LPGAT1: variants seen among roughly 807,000 people sequenced by gnomAD.
LPGAT1 encodes the protein acyl-CoA:lysophosphatidylglycerol acyltransferase 1.
LPGAT1 carries 11 observed loss-of-function variants against 47.5 expected under a neutral mutation model. The observed-to-expected ratio is 0.23, with a 90% CI of 0.15 to 0.38. The LOEUF (loss-of-function observed/expected upper bound fraction) is 0.38, where lower values mean the gene tolerates loss of function less well. Among genes scored for constraint, LPGAT1 ranks in the 10% least tolerant of loss-of-function variants. LPGAT1 has a pLI of 1.00. For synonymous variants in LPGAT1, 138 were observed against 144.2 expected (o/e 0.96, Z 0.31); for missense variants, 293 against 439.0 (o/e 0.67, Z 2.97).
chr1:211,821,187 C>T (rs570231754), intron 2 of LPGAT1, among the ~76,000 whole-genome samples: 12 of 152,192 alleles, frequency 7.9e-5, no homozygotes, highest in African/African-American at 2.2e-4. Context: ...ACCCAGGAGG[C>T]GGAGGTTGCA....
intron 2 of LPGAT1, among the ~76,000 whole-genome samples, chr1:211,822,841 A>G (rs1346183458): frequency 1.3e-5 from 2 of 152,030 alleles, no homozygotes; most frequent in Non-Finnish European, 2.9e-5. Flanking sequence ...TCTGATGACA[A>G]TCTACTTTCA....
chr1:211,793,065 A>G lies in LPGAT1; in HGVS notation c.357+7T>C, dbSNP rs749872282. On this transcript the variant is annotated splice_region_variant and intron_variant, in intron 3 of 7. Coordinates refer to ENST00000366997, the MANE Select transcript of LPGAT1 (RefSeq NM_014873.3). ...GATGTCTATCTACTGCCTTCAGGGT[A>G]GCTTACCAGTCCTTTGTCCTGGAGG... The G allele has an allele frequency of 1.9e-6, 3 of 1,574,460 alleles. No homozygotes were observed. Among genetic ancestry groups the G allele is most frequent in the East Asian group, 2.4e-5 (1 of 42,474 alleles).
chr1:211,829,744 C>T (rs768884598), intron 1 of LPGAT1: 426 of 1,006,112 alleles, frequency 4.2e-4, no homozygotes, highest in Non-Finnish European at 4.7e-4. Context: ...TTCCCAGATA[C>T]TGAGGACCTC....
chr1:211,754,751 C>T (rs1452515288), intron 6 of LPGAT1, among the ~76,000 whole-genome samples: 2 of 152,140 alleles, frequency 1.3e-5, no homozygotes, highest in African/African-American at 4.8e-5. Flanking sequence ...TGCGGTGGCT[C>T]ACACCTGTAA....
chr1:211,800,035 T>TTTATTATTATTATTATTATTATTA (rs58672865), intron 2 of LPGAT1, among the ~76,000 whole-genome samples: 3,138 of 150,952 alleles, frequency 0.021, 44 homozygotes, highest in Middle Eastern at 0.072. Flanking sequence ...ACTACCATTC[T>TTTATTATTATTATTATTATTATTA]TTATTATTAT....
chr1:211,767,795 G>A (rs2102512778), intron 6 of LPGAT1, among the ~76,000 whole-genome samples: 1 of 152,160 alleles, frequency 6.6e-6, no homozygotes, highest in South Asian at 2.1e-4. Context: ...ACTAAAGATA[G>A]GACACTGTTT....
chr1:211,826,898 C>T (rs781172971), intron 2 of LPGAT1, among the ~76,000 whole-genome samples: 3 of 152,110 alleles, frequency 2.0e-5, no homozygotes, highest in Non-Finnish European at 2.9e-5. Context: ...ACAAGCCCAC[C>T]CTCCTATTGA....
At position 211,745,443 on chromosome 1, in the gene LPGAT1, TCA is replaced by T. The variant is rs1282164971; in HGVS notation, c.*4454_*4455del. On this transcript the variant is annotated 3_prime_UTR_variant, in exon 8 of 8. Coordinates refer to ENST00000366997, the MANE Select transcript of LPGAT1 (RefSeq NM_014873.3). ...TCCTTACACGTAAAGAATTTGTGCA[TCA>T]CAGTCATGTGTTCAACAGTTTTACA... is the stretch of plus-strand genomic sequence containing the variant. The T allele has an allele frequency of 1.3e-5, 2 of 152,238 alleles. No individual in the cohort carries two copies. The highest frequency in any genetic ancestry group is 2.4e-5 in the African/African-American group (1 of 41,468). 9.4% of individuals were successfully genotyped at this position (152,238 alleles called of 1,614,324 possible).
At chr1:211,825,725 CCAA>C (rs1450759487) in intron 2 of LPGAT1, among the ~76,000 whole-genome samples, 2 of 152,218 alleles carry the variant, frequency 1.3e-5, no homozygotes, top group Admixed American at 6.5e-5. Flanking sequence ...CTCTGGGAGG[CCAA>C]CGTGGGCGGA....
At chr1:211,758,076 T>A (rs1036215552) in intron 6 of LPGAT1, among the ~76,000 whole-genome samples, 1 of 152,250 alleles carries the variant, frequency 6.6e-6, no homozygotes, top group South Asian at 2.1e-4. Flanking sequence ...CCCTGCTGTA[T>A]CTTGGCTCCT....
chr1:211,808,987 G>A (rs970972636), intron 2 of LPGAT1, among the ~76,000 whole-genome samples: 1 of 151,796 alleles, frequency 6.6e-6, no homozygotes, highest in African/African-American at 2.4e-5. Context: ...CACGAGGTCA[G>A]GAGATCGAGA....
At chr1:211,791,238 G>A (rs1659099394) in intron 3 of LPGAT1, among the ~76,000 whole-genome samples, 2 of 152,006 alleles carry the variant, frequency 1.3e-5, no homozygotes, top group African/African-American at 2.4e-5. Context: ...CCCTAACCTA[G>A]TGAATCAAAA....
Position 211,772,762 on chromosome 1 carries a change from C to T in LPGAT1, c.854+6156G>A, listed in dbSNP as rs543335424. 1.3e-4 allele frequency among the ~76,000 whole-genome samples: 20 copies of T among 152,178 alleles called. No individual in the cohort carries two copies. The South Asian group carries it at 3.9e-3, about 30-fold the overall frequency. On this transcript the variant is annotated intron_variant, in intron 6 of 7. Transcript: ENST00000366997. The stretch of plus-strand genomic sequence containing the variant: ...TGATGTGCACATGAGATTTCATTTA[C>T]AAGTCTGAAATTTTCTGTAATAAAA...
intron 2 of LPGAT1, among the ~76,000 whole-genome samples, chr1:211,827,047 T>A (rs74652891): frequency 0.016 from 2,420 of 152,350 alleles, 63 homozygotes; most frequent in African/African-American, 0.054. Flanking sequence ...ACCAAATTCA[T>A]TCCTACATTT....
intron 3 of LPGAT1, among the ~76,000 whole-genome samples, chr1:211,789,060 A>G (rs977087547): frequency 5.3e-5 from 8 of 152,258 alleles, no homozygotes; most frequent in African/African-American, 1.7e-4. Flanking sequence ...AAATGAAGAT[A>G]TATGCCTAGT....
At chr1:211,789,588 A>T (rs778766499) in intron 3 of LPGAT1, among the ~76,000 whole-genome samples, 31 of 152,350 alleles carry the variant, frequency 2.0e-4, no homozygotes, top group Middle Eastern at 3.4e-3. Context: ...GACACTTATT[A>T]TAAGGGTACC....
At chr1:211,775,184 G>A (rs1387335969) in intron 6 of LPGAT1, among the ~76,000 whole-genome samples, 1 of 152,162 alleles carries the variant, frequency 6.6e-6, no homozygotes. Flanking sequence ...AGGCGTGGTG[G>A]CAGGTGCCTG....
At chr1:211,825,826 G>A (rs1660529209) in intron 2 of LPGAT1, among the ~76,000 whole-genome samples, 1 of 152,168 alleles carries the variant, frequency 6.6e-6, no homozygotes, top group African/African-American at 2.4e-5. Flanking sequence ...TGGGTGTGGT[G>A]GCACACGCCT....
At position 211,783,365 on chromosome 1, in the gene LPGAT1, T is replaced by C; in HGVS notation, c.591A>G (p.Ala197=). Residue 197 remains alanine (A), a synonymous_variant, in exon 5 of 8, where the codon GCA becomes GCG. Coordinates refer to ENST00000366997, the MANE Select transcript of LPGAT1 (RefSeq NM_014873.3). The part of the protein sequence containing the change: ...FLRKRRETSQ[A]FAKKNNLPFL... ...ATGGCAAGTTATTTTTCTTGGCAAA[T>C]GCCTGACTTGTTTCTCGCCTCTTCC... The C allele has an allele frequency of 6.2e-7, 1 of 1,614,208 alleles. No individual in the cohort carries two copies. The highest frequency in any genetic ancestry group is 1.1e-5 in the South Asian group (1 of 91,084).
Sources: gnomAD v4.1 joint callset for allele counts (sites outside exome capture counted in the v4.1 genomes callset) on GRCh38, gnomAD v4.1.1 for gene constraint, MANE v1.5 for transcripts, NCBI Gene and HGNC (gene_info 2026-07-23, HGNC 2026-07-21) for gene names.